Variants in FBLN1 observed in about 807,000 individuals in gnomAD.
FBLN1 encodes the protein fibulin 1.
In FBLN1, 34 loss-of-function variants were observed where a neutral mutation model predicts 89.7. That is an observed-to-expected ratio of 0.38 (90% CI 0.29 to 0.50). The LOEUF (loss-of-function observed/expected upper bound fraction) is 0.50, where lower values mean the gene tolerates loss of function less well. FBLN1 is among the 20% of genes least tolerant of loss of function. The pLI is 0.92. For missense variants in FBLN1, 777 were observed against 988.1 expected (o/e 0.79, Z 2.86); for synonymous variants, 393 against 391.3 (o/e 1.00, Z -0.05).
intron 2 of FBLN1, among the ~76,000 whole-genome samples, chr22:45,520,809 G>T (rs148541482): frequency 6.6e-6 from 1 of 151,964 alleles, no homozygotes; most frequent in African/African-American, 2.4e-5. Context: ...GTAAATTTTG[G>T]AGTTATCTTT....
Position 45,583,073 on chromosome 22 carries a change from G to T in FBLN1, c.1972+5965G>T, listed in dbSNP as rs1472547615. Among the ~76,000 whole-genome samples the T allele has an allele frequency of 1.3e-5, 2 of 152,022 alleles. No individual in the cohort carries two copies. The highest frequency in any genetic ancestry group is 1.5e-5 in the Non-Finnish European group (1 of 68,006). On this transcript the variant is annotated intron_variant, in intron 16 of 16. Transcript: ENST00000327858. The surrounding 1 kb of genome is among the most constrained non-coding windows in gnomAD (Gnocchi z 4.5). ...AAGCACCATATGCTGTTAGATCCTC[G>T]AGCAGCCTTGTGGGACAGCCACCCT...
chr22:45,569,004 T>TA (rs1177656401), intron 14 of FBLN1, among the ~76,000 whole-genome samples: 1 of 152,234 alleles, frequency 6.6e-6, no homozygotes, highest in Non-Finnish European at 1.5e-5. Flanking sequence ...CCTCTTCTTA[T>TA]AAGGATAACG....
chr22:45,571,491 G>A (rs192657003), intron 14 of FBLN1, among the ~76,000 whole-genome samples: 15 of 152,266 alleles, frequency 9.9e-5, no homozygotes, highest in African/African-American at 3.1e-4. Flanking sequence ...ACTCTGAGCC[G>A]AATAGGGAGA....
rs977376223 is a variant in FBLN1 at position 45,531,897 on chromosome 22, C to T, written c.544+573C>T. Among the ~76,000 whole-genome samples, 1 of 152,214 alleles carries T rather than the reference C, an allele frequency of 6.6e-6. No individual in the cohort carries two copies. The highest frequency in any genetic ancestry group is 1.9e-4 in the East Asian group (1 of 5,194). ...TCTCAGGGGAGAGGAGGGGGCTCAG[C>T]GTTCCCTGCCTTTGTGCCCCTGGAG... On this transcript the variant is annotated intron_variant, in intron 5 of 16. Coordinates refer to ENST00000327858, the MANE Select transcript of FBLN1 (RefSeq NM_006486.3). The surrounding 1 kb of genome is among the most constrained non-coding windows in gnomAD (Gnocchi z 4.9).
At chr22:45,553,877 A>T (rs964325152) in intron 14 of FBLN1, among the ~76,000 whole-genome samples, 1 of 152,206 alleles carries the variant, frequency 6.6e-6, no homozygotes, top group African/African-American at 2.4e-5. Context: ...ATCCCTGGTT[A>T]GTACCCGCCA....
intron 1 of FBLN1, among the ~76,000 whole-genome samples, chr22:45,509,492 C>T (rs951596760): frequency 6.6e-6 from 1 of 152,158 alleles, no homozygotes; most frequent in African/African-American, 2.4e-5. Context: ...GAGCAGGCTC[C>T]AGTTCGCCCT....
chr22:45,595,173 G>C (rs2089173777), intron 16 of FBLN1, among the ~76,000 whole-genome samples: 1 of 152,132 alleles, frequency 6.6e-6, no homozygotes, highest in African/African-American at 2.4e-5. Flanking sequence ...GGCTGGAGGA[G>C]TGTGGGCAGG....
intron 8 of FBLN1, 136 bp from the exon 9 acceptor site, chr22:45,541,093 A>T: frequency 8.8e-7 from 1 of 1,131,562 alleles, no homozygotes; most frequent in Non-Finnish European, 1.3e-6. Context: ...TGTGTGGTCC[A>T]GAGTGAGGGG....
chr22:45,537,917 G>A lies in FBLN1; in HGVS notation c.922+2580G>A, dbSNP rs940861193. Among the ~76,000 whole-genome samples the A allele has an allele frequency of 1.8e-4, 28 of 152,246 alleles. No individual in the cohort carries two copies. Among genetic ancestry groups the A allele is most frequent in the Admixed American group, 1.8e-3 (27 of 15,290 alleles). On this transcript the variant is annotated intron_variant, in intron 8 of 16. Transcript: ENST00000327858. The surrounding 1 kb of genome is among the most constrained non-coding windows in gnomAD (Gnocchi z 5.7). ...TTGCAGCCTGCTCAAAGGGGGGTCC[G>A]GAGGAGGCTGGCGTCGACTGAGGAT...
At chr22:45,559,107 T>C (rs1216627713) in intron 14 of FBLN1, among the ~76,000 whole-genome samples, 1 of 152,250 alleles carries the variant, frequency 6.6e-6, no homozygotes, top group Non-Finnish European at 1.5e-5. Flanking sequence ...CCTTGCCAGC[T>C]GAAGACAAAT....
intron 8 of FBLN1, chr22:45,535,594 G>A: frequency 2.1e-6 from 1 of 468,304 alleles, no homozygotes; most frequent in Non-Finnish European, 3.9e-6. Context: ...GGGTGTGGCT[G>A]TGTTCCAATA....
chr22:45,548,786 G>A (rs1199094611), intron 13 of FBLN1, 42 bp downstream of exon 13: 1 of 1,608,964 alleles, frequency 6.2e-7, no homozygotes, highest in Non-Finnish European at 8.5e-7. Context: ...CGCTCTGCTT[G>A]GGGCCCTGCA....
intron 1 of FBLN1, among the ~76,000 whole-genome samples, chr22:45,512,925 TTTG>T (rs1358355884): frequency 2.6e-5 from 4 of 152,274 alleles, no homozygotes; most frequent in Non-Finnish European, 5.9e-5. Flanking sequence ...GCCTGGCCTT[TTTG>T]TTGTTGTTGT....
intron 16 of FBLN1, among the ~76,000 whole-genome samples, chr22:45,592,211 G>T (rs1322202163): frequency 6.6e-6 from 1 of 152,244 alleles, no homozygotes; most frequent in Non-Finnish European, 1.5e-5. Flanking sequence ...GAATGCGGCT[G>T]TGGGCACATA....
chr22:45,529,411 T>C (rs915168874), intron 4 of FBLN1, among the ~76,000 whole-genome samples: 1 of 152,216 alleles, frequency 6.6e-6, no homozygotes, highest in South Asian at 2.1e-4. Flanking sequence ...TCAGGAGACT[T>C]TGTGGCTGTC....
intron 14 of FBLN1, among the ~76,000 whole-genome samples, chr22:45,567,531 G>A (rs1217972630): frequency 6.6e-6 from 1 of 152,170 alleles, no homozygotes; most frequent in East Asian, 1.9e-4. Flanking sequence ...CAGGAGAACT[G>A]CTTGAACCTG....
Position 45,542,223 on chromosome 22 carries a change from A to G in FBLN1, c.1135A>G (p.Ser379Gly). The G allele has an allele frequency of 3.1e-6, 5 of 1,614,188 alleles. No individual in the cohort carries two copies. Among genetic ancestry groups the G allele is most frequent in the Non-Finnish European group, 3.4e-6 (4 of 1,180,048 alleles). ...ACATCGCTGCGTGAACTCTCCCGGC[A>G]GTTTCCGCTGCGAATGCAAGACGGG... ...KGHRCVNSPGSFRCECKTGYY... is the reference protein window; with the variant it reads ...KGHRCVNSPGGFRCECKTGYY... The change falls in exon 10 of 17, where the codon AGT becomes GGT. Residue 379 changes from serine (S) to glycine (G), a missense_variant. By Grantham distance (56) the Ser-to-Gly change is moderately conservative. Transcript: ENST00000327858.
At chr22:45,593,450 T>G (rs1453458857) in intron 16 of FBLN1, among the ~76,000 whole-genome samples, 1 of 152,082 alleles carries the variant, frequency 6.6e-6, no homozygotes, top group Non-Finnish European at 1.5e-5. Flanking sequence ...TAATTATATC[T>G]TTAAGAGGCA....
chr22:45,514,870 C>T (rs2088148940), intron 1 of FBLN1, among the ~76,000 whole-genome samples: 1 of 152,178 alleles, frequency 6.6e-6, no homozygotes, highest in South Asian at 2.1e-4. Context: ...GATGCCAGAA[C>T]TCAGGGCCCA....
Sources: allele counts gnomAD v4.1 joint callset (sites outside exome capture counted in the v4.1 genomes callset), GRCh38; gene constraint gnomAD v4.1.1; non-coding constraint Gnocchi (gnomAD v3.1); transcripts MANE v1.5; gene names NCBI Gene and HGNC (gene_info 2026-07-23, HGNC 2026-07-21).